The following CSMD3 variants were observed in gnomAD, a reference collection of about 807,000 sequenced individuals.
The protein encoded by CSMD3 is CUB and Sushi multiple domains 3.
CSMD3 carries 177 observed loss-of-function variants against 435.2 expected under a neutral mutation model. The observed-to-expected ratio is 0.41, with a 90% CI of 0.36 to 0.46. CSMD3 has a LOEUF of 0.46. CSMD3 is among the 20% of genes least tolerant of loss of function. The pLI is 0.34. For missense variants in CSMD3, 4,265 were observed against 4,504.6 expected, an observed-to-expected ratio of 0.95 and a Z score of 1.52; for synonymous variants, 1,656 against 1,520.5, an observed-to-expected ratio of 1.09 and a Z score of -2.07.
chr8:112,762,764 T>C (rs552664316), intron 13 of CSMD3, among the ~76,000 whole-genome samples: 9 of 151,816 alleles, frequency 5.9e-5, no homozygotes, highest in Non-Finnish European at 1.0e-4. Flanking sequence ...ATAATAGGGA[T>C]AGAGAGACCA....
Position 113,063,966 on chromosome 8 carries a change from A to G in CSMD3, c.917+34790T>C, listed in dbSNP as rs906565777. ...TATTAAAAGGACTATAATAAATAGTAAGGTCTAAGCAATGAATTTTAGGAA... is the reference window on the plus strand; with the variant it reads ...TATTAAAAGGACTATAATAAATAGTGAGGTCTAAGCAATGAATTTTAGGAA... On this transcript the variant is annotated intron_variant, in intron 5 of 70. Transcript: ENST00000297405. Among the ~76,000 whole-genome samples the G allele has an allele frequency of 4.6e-5, 7 of 151,714 alleles. No homozygotes were observed. The Middle Eastern group carries it at 0.01, about 223-fold the overall frequency.
chr8:113,045,175 A>T (rs2087777056), intron 5 of CSMD3, among the ~76,000 whole-genome samples: 1 of 149,152 alleles, frequency 6.7e-6, no homozygotes, highest in Admixed American at 6.7e-5. Context: ...AAGGGGCTAA[A>T]CAAAACAAAA....
At chr8:112,481,760 A>T (rs1397749809) in intron 31 of CSMD3, among the ~76,000 whole-genome samples, 2 of 152,154 alleles carry the variant, frequency 1.3e-5, no homozygotes, top group African/African-American at 4.8e-5. Flanking sequence ...TATGAATTTG[A>T]ATTCAGACAG....
At chr8:112,953,623 A>T (rs1178408384) in intron 8 of CSMD3, among the ~76,000 whole-genome samples, 1 of 151,420 alleles carries the variant, frequency 6.6e-6, no homozygotes, top group Non-Finnish European at 1.5e-5. Flanking sequence ...GAAAATTATG[A>T]CACCATTAAT....
chr8:113,336,691 T>C (rs2094077637), intron 1 of CSMD3, among the ~76,000 whole-genome samples: 1 of 152,028 alleles, frequency 6.6e-6, no homozygotes, highest in Non-Finnish European at 1.5e-5. Flanking sequence ...TTGTTGTAAT[T>C]GGGTGCTGGT....
intron 10 of CSMD3, among the ~76,000 whole-genome samples, chr8:112,874,709 G>A (rs898273567): frequency 6.6e-6 from 1 of 152,062 alleles, no homozygotes; most frequent in East Asian, 1.9e-4. Flanking sequence ...TTTTATCAGA[G>A]GCTAGGATTG....
intron 31 of CSMD3, among the ~76,000 whole-genome samples, chr8:112,474,079 G>A (rs1214681341): frequency 6.6e-6 from 1 of 151,978 alleles, no homozygotes; most frequent in African/African-American, 2.4e-5. Flanking sequence ...AGGTTTTTTG[G>A]TGCTATTAAT....
intron 5 of CSMD3, among the ~76,000 whole-genome samples, chr8:113,038,384 T>C (rs1342564539): frequency 1.3e-5 from 2 of 152,214 alleles, no homozygotes; most frequent in South Asian, 4.1e-4. Flanking sequence ...ATGTTTTCTA[T>C]ATGCCAAGTA....
At chr8:113,148,183 TG>T (rs1273691946) in intron 4 of CSMD3, among the ~76,000 whole-genome samples, 1 of 151,738 alleles carries the variant, frequency 6.6e-6, no homozygotes, top group Non-Finnish European at 1.5e-5. Context: ...ATTCCAAATG[TG>T]CCAGATATTT....
intron 1 of CSMD3, among the ~76,000 whole-genome samples, chr8:113,335,967 C>A (rs1223381635): frequency 6.6e-6 from 1 of 151,882 alleles, no homozygotes; most frequent in Admixed American, 6.6e-5. Flanking sequence ...TGACTCTTGC[C>A]AAATTTAGAA....
At chr8:113,163,564 T>A (rs2092087822) in intron 4 of CSMD3, among the ~76,000 whole-genome samples, 1 of 152,020 alleles carries the variant, frequency 6.6e-6, no homozygotes, top group Non-Finnish European at 1.5e-5. Context: ...AAATTAGGCA[T>A]CCATTAAATA....
At chr8:112,383,481 CAAGT>C (rs1400039077) in intron 37 of CSMD3, 82 bp downstream of exon 37, 44 of 758,472 alleles carry the variant, frequency 5.8e-5, no homozygotes, top group East Asian at 5.4e-5. Context: ...TTAAAACTAC[CAAGT>C]AAGAGTTGTA....
intron 8 of CSMD3, 90 bp from the exon 9 acceptor site, chr8:112,947,967 TTATTGTATTTTGTCAC>T: frequency 1.5e-6 from 1 of 661,162 alleles, no homozygotes; most frequent in Non-Finnish European, 2.7e-6. Flanking sequence ...ATAAAATGTA[TTATTGTATTTTGTCAC>T]TATAATCACT....
intron 34 of CSMD3, among the ~76,000 whole-genome samples, chr8:112,407,466 A>G (rs1831959405): frequency 6.6e-6 from 1 of 152,036 alleles, no homozygotes; most frequent in African/African-American, 2.4e-5. Context: ...CAATAGCCCA[A>G]AAAATGATAT....
intron 1 of CSMD3, among the ~76,000 whole-genome samples, chr8:113,431,726 T>C (rs990576693): frequency 2.6e-4 from 40 of 151,972 alleles, no homozygotes; most frequent in Non-Finnish European, 3.2e-4. Flanking sequence ...TTTTTTTTTT[T>C]CCGCACATGA....
chr8:112,265,356 T>C (rs1016794447), intron 60 of CSMD3, 55 bp downstream of exon 60: 1 of 1,329,746 alleles, frequency 7.5e-7, no homozygotes, highest in African/African-American at 1.5e-5. Context: ...TATATAAAAA[T>C]AAGAAAATAT....
intron 52 of CSMD3, among the ~76,000 whole-genome samples, chr8:112,303,221 G>T (rs916055139): frequency 3.3e-5 from 5 of 152,034 alleles, no homozygotes; most frequent in African/African-American, 1.2e-4. Flanking sequence ...TGCAGTCAGA[G>T]AAAAATCCTG....
chr8:112,520,298 T>A (rs1240785244), intron 27 of CSMD3, among the ~76,000 whole-genome samples: 2 of 152,020 alleles, frequency 1.3e-5, no homozygotes, highest in Admixed American at 1.3e-4. Context: ...AAACACAGAA[T>A]CCTTACAAAG....
rs377399711 is a variant in CSMD3, at chr8:112,921,700, G to A, written c.1560C>T (p.Gly520=). 2.7e-5 allele frequency: 43 copies of A among 1,609,726 alleles called. No homozygotes were observed. Among genetic ancestry groups the A allele is most frequent in the African/African-American group, 1.7e-4 (13 of 74,752 alleles). ...TCCGTTGACAGGTGATGCTCTTTGC[G>A]CCCTGTAGGACATAATCTTCATCAC... ...FSCDEDYVLQ[G]AKSITCQRIA... Residue 520 remains glycine (G), a synonymous_variant, in exon 10 of 71, where the codon GGC becomes GGT. Coordinates refer to ENST00000297405, the MANE Select transcript of CSMD3 (RefSeq NM_198123.2).
Sources: gnomAD v4.1 joint callset for allele counts (sites outside exome capture counted in the v4.1 genomes callset) on GRCh38, gnomAD v4.1.1 for gene constraint, MANE v1.5 for transcripts, NCBI Gene and HGNC (gene_info 2026-07-23, HGNC 2026-07-21) for gene names.